L3MBTL4: variants seen among roughly 807,000 people sequenced by gnomAD.
L3MBTL4 encodes the protein L3MBTL histone methyl-lysine binding protein 4.
Under a neutral mutation model 84.5 loss-of-function variants are expected in L3MBTL4, and 70 were observed. The ratio of observed to expected loss-of-function variants is 0.83; its 90% CI spans 0.68 to 1.01. The LOEUF (loss-of-function observed/expected upper bound fraction) is 1.01. Among genes scored for constraint, L3MBTL4 ranks in the 50% least tolerant of loss-of-function variants. The probability of loss-of-function intolerance (pLI) is 0.00; values close to 1 mark genes in which losing one functional copy is unlikely to be tolerated. For missense variants in L3MBTL4, 715 were observed against 754.8 expected (o/e 0.95, Z 0.62); for synonymous variants, 274 against 259.8 (o/e 1.05, Z -0.52).
At chr18:6,359,687 G>T (rs1450463532) in intron 1 of L3MBTL4, among the ~76,000 whole-genome samples, 1 of 152,040 alleles carries the variant, frequency 6.6e-6, no homozygotes, top group Non-Finnish European at 1.5e-5. Context: ...AAAATTCCCA[G>T]AGAGTTGGAC....
intron 1 of L3MBTL4, among the ~76,000 whole-genome samples, chr18:6,343,344 A>G (rs150497280): frequency 6.6e-6 from 1 of 152,354 alleles, no homozygotes; most frequent in African/African-American, 2.4e-5. Flanking sequence ...ATGTTAGGAC[A>G]CAAGACAAGT....
intron 4 of L3MBTL4, among the ~76,000 whole-genome samples, chr18:6,270,316 T>A (rs1338828231): frequency 2.6e-5 from 4 of 152,168 alleles, no homozygotes; most frequent in African/African-American, 9.7e-5. Flanking sequence ...TGCTTTTCAT[T>A]TCAGTACTAC....
intron 10 of L3MBTL4, among the ~76,000 whole-genome samples, chr18:6,218,015 T>A (rs1053025307): frequency 1.2e-4 from 19 of 152,208 alleles, no homozygotes; most frequent in African/African-American, 4.6e-4. Context: ...GAATTTTTTT[T>A]AAGCTCTCTT....
chr18:6,414,939 C>G (rs2056137944), upstream of L3MBTL4: 2 of 149,666 alleles, frequency 1.3e-5, no homozygotes, highest in African/African-American at 2.4e-5. The surrounding 1 kb of genome is among the most constrained non-coding windows in gnomAD (Gnocchi z 5.4). Flanking sequence ...GGTGCACGCG[C>G]GGGGTGGGGG....
At chr18:6,218,745 A>T (rs549885125) in intron 10 of L3MBTL4, among the ~76,000 whole-genome samples, 10 of 152,290 alleles carry the variant, frequency 6.6e-5, no homozygotes, top group African/African-American at 2.2e-4. Context: ...GAAGAATGTC[A>T]TATGGCCCAG....
intron 3 of L3MBTL4, 126 bp downstream of exon 3, chr18:6,311,428 C>A (rs2050824630): frequency 4.2e-6 from 3 of 718,802 alleles, no homozygotes; most frequent in East Asian, 2.6e-5. Context: ...AAAGCTCAAG[C>A]AGAAGCCACA....
intron 16 of L3MBTL4, chr18:6,031,812 T>G (rs1369128749): frequency 4.0e-4 from 7 of 17,412 alleles, no homozygotes; most frequent in South Asian, 8.9e-4. Context: ...AGATTCATGG[T>G]TTTTTTTTTT....
intron 1 of L3MBTL4, among the ~76,000 whole-genome samples, chr18:6,410,321 C>G (rs1263827072): frequency 1.3e-5 from 2 of 152,256 alleles, no homozygotes; most frequent in African/African-American, 4.8e-5. Flanking sequence ...ATTACGCACT[C>G]ACGTGGGTCT....
chr18:6,300,540 C>T (rs1004310954), intron 4 of L3MBTL4, among the ~76,000 whole-genome samples: 1 of 152,128 alleles, frequency 6.6e-6, no homozygotes, highest in African/African-American at 2.4e-5. Flanking sequence ...ATAAATAAAA[C>T]CAAAAAGCTA....
At chr18:6,119,404 C>CA (rs2059458582) in intron 14 of L3MBTL4, among the ~76,000 whole-genome samples, 1 of 152,156 alleles carries the variant, frequency 6.6e-6, no homozygotes, top group Non-Finnish European at 1.5e-5. Flanking sequence ...CATCAGTTTG[C>CA]TGCTTAACAC....
chr18:6,294,718 AC>A (rs75287150), intron 4 of L3MBTL4, among the ~76,000 whole-genome samples: 3 of 125,074 alleles, frequency 2.4e-5, no homozygotes, highest in African/African-American at 6.1e-5. Flanking sequence ...ATCAATCAAA[AC>A]AAAACAAAAC....
chr18:6,395,244 T>C (rs1237060333), intron 1 of L3MBTL4: 1 of 152,118 alleles, frequency 6.6e-6, no homozygotes, highest in Non-Finnish European at 1.5e-5. Context: ...GACTATTACA[T>C]CCAGGACCAC....
intron 1 of L3MBTL4, among the ~76,000 whole-genome samples, chr18:6,348,213 T>C (rs1421022989): frequency 6.6e-6 from 1 of 152,030 alleles, no homozygotes; most frequent in Non-Finnish European, 1.5e-5. Flanking sequence ...AAGGTGACAA[T>C]TATGCCCAAA....
At chr18:6,371,323 G>A (rs1280776761) in intron 1 of L3MBTL4, among the ~76,000 whole-genome samples, 1 of 152,222 alleles carries the variant, frequency 6.6e-6, no homozygotes, top group African/African-American at 2.4e-5. Flanking sequence ...AGAACACACA[G>A]AGCGGAGTTC....
At chr18:6,204,478 T>C (rs1374277742) in intron 12 of L3MBTL4, among the ~76,000 whole-genome samples, 1 of 152,188 alleles carries the variant, frequency 6.6e-6, no homozygotes, top group Non-Finnish European at 1.5e-5. Context: ...ATATACCACC[T>C]GACAAAGGGG....
chr18:6,201,080 G>A (rs552081158), intron 12 of L3MBTL4, among the ~76,000 whole-genome samples: 1 of 152,270 alleles, frequency 6.6e-6, no homozygotes, highest in African/African-American at 2.4e-5. Flanking sequence ...GAGTACTCGG[G>A]TAATCAAGGG....
chr18:6,228,455 T>C (rs2046865630), intron 10 of L3MBTL4, among the ~76,000 whole-genome samples: 1 of 152,084 alleles, frequency 6.6e-6, no homozygotes, highest in African/African-American at 2.4e-5. Context: ...AATGAAAAGA[T>C]GAACCACAGA....
chr18:5,987,526 G>A (rs747652763), intron 16 of L3MBTL4, among the ~76,000 whole-genome samples: 1 of 152,116 alleles, frequency 6.6e-6, no homozygotes, highest in South Asian at 2.1e-4. Flanking sequence ...CTCCTACAAC[G>A]AGCAACACAG....
At chr18:6,168,849 C>T (rs2043817480) in intron 13 of L3MBTL4, among the ~76,000 whole-genome samples, 1 of 152,116 alleles carries the variant, frequency 6.6e-6, no homozygotes, top group African/African-American at 2.4e-5. Context: ...AACTAAAGAG[C>T]TTTCTGCACA....
Sources: gnomAD v4.1 joint callset for allele counts (sites outside exome capture counted in the v4.1 genomes callset) on GRCh38, gnomAD v4.1.1 for gene constraint, Gnocchi (gnomAD v3.1) non-coding constraint, MANE v1.5 for transcripts, NCBI Gene and HGNC (gene_info 2026-07-23, HGNC 2026-07-21) for gene names.